Variants in INTS15 observed in about 807,000 individuals in gnomAD.
INTS15 encodes uncharacterized protein C7orf26.
the INTS15 span, chr7:6,594,315 TC>T: frequency 9.9e-7 from 1 of 1,015,160 alleles, no homozygotes; most frequent in Non-Finnish European, 1.5e-6. Context: ...CCCATTAACA[TC>T]TTTTTTTTGT....
chr7:6,590,396 C>G, the INTS15 span: 7 of 1,606,540 alleles, frequency 4.4e-6, no homozygotes, highest in African/African-American at 2.7e-5. Flanking sequence ...GCGCCGCTGC[C>G]CATCGTGGAC....
At chr7:6,605,717 G>A in the INTS15 span, among the ~76,000 whole-genome samples, 1 of 151,990 alleles carries the variant, frequency 6.6e-6, no homozygotes, top group African/African-American at 2.4e-5. Flanking sequence ...TTTCTTTTTT[G>A]AGACAGAGTC....
At chr7:6,601,998 G>A in the INTS15 span, 1 of 1,010,100 alleles carries the variant, frequency 9.9e-7, no homozygotes, top group Non-Finnish European at 1.6e-6. Context: ...TGTAGTATGA[G>A]GCGCTCTTGC....
chr7:6,601,950 C>T, the INTS15 span: 7 of 700,800 alleles, frequency 1.0e-5, no homozygotes, highest in African/African-American at 1.8e-5. Flanking sequence ...AGCCACTGCG[C>T]CCGGCTAGAA....
chr7:6,591,959 G>A, the INTS15 span: 1 of 1,192,738 alleles, frequency 8.4e-7, no homozygotes, highest in Non-Finnish European at 1.2e-6. Flanking sequence ...ATCACTTGAG[G>A]TCAGGGGTTC....
the INTS15 span, chr7:6,590,589 C>A: frequency 7.2e-7 from 1 of 1,392,588 alleles, no homozygotes; most frequent in Non-Finnish European, 9.3e-7. Context: ...GATCCCCGCG[C>A]TCGCGCTCGG....
At chr7:6,598,927 T>C in the INTS15 span, among the ~76,000 whole-genome samples, 1 of 151,894 alleles carries the variant, frequency 6.6e-6, no homozygotes, top group Non-Finnish European at 1.5e-5. Flanking sequence ...GCTGGGAATA[T>C]AGGTGTGCAC....
At chr7:6,594,580 C>T in the INTS15 span, 773 of 1,614,050 alleles carry the variant, frequency 4.8e-4, 5 homozygotes, top group Middle Eastern at 0.017. Context: ...TCCGTTACCG[C>T]GCTCTATGAC....
chr7:6,591,229 G>A, the INTS15 span, among the ~76,000 whole-genome samples: 1 of 151,568 alleles, frequency 6.6e-6, no homozygotes, highest in Non-Finnish European at 1.5e-5. Context: ...TACGAAGGGC[G>A]AAAAGTTCTA....
the INTS15 span, chr7:6,590,212 G>C: frequency 3.8e-6 from 5 of 1,309,584 alleles, no homozygotes; most frequent in East Asian, 9.3e-5. Flanking sequence ...TTGTTTCCAC[G>C]GGTAGCGGCG....
the INTS15 span, chr7:6,590,352 C>T: frequency 5.6e-6 from 9 of 1,606,154 alleles, no homozygotes; most frequent in Admixed American, 1.7e-5. Context: ...TGTTGTACCA[C>T]CTGGACATCT....
chr7:6,601,730 T>TGA, the INTS15 span, among the ~76,000 whole-genome samples: 1 of 150,282 alleles, frequency 6.7e-6, no homozygotes, highest in Admixed American at 6.6e-5. Context: ...GATCTCGGCT[T>TGA]ACTGCAACCT....
the INTS15 span, chr7:6,602,160 C>T: frequency 1.2e-6 from 2 of 1,606,776 alleles, no homozygotes; most frequent in East Asian, 4.5e-5. Flanking sequence ...CTCAGGACTC[C>T]TAGCTGGGCC....
At chr7:6,599,946 G>C in the INTS15 span, 2 of 1,614,086 alleles carry the variant, frequency 1.2e-6, no homozygotes, top group African/African-American at 2.7e-5. Context: ...CTGCCAATAG[G>C]ATTCTTAGAG....
At chr7:6,595,159 G>A in the INTS15 span, among the ~76,000 whole-genome samples, 1 of 152,290 alleles carries the variant, frequency 6.6e-6, no homozygotes, top group Non-Finnish European at 1.5e-5. Context: ...AGCCTCTCGA[G>A]TAGTTGTGAC....
At chr7:6,606,608 C>T in the INTS15 span, among the ~76,000 whole-genome samples, 2 of 151,956 alleles carry the variant, frequency 1.3e-5, no homozygotes, top group Admixed American at 6.6e-5. Flanking sequence ...CCTCTGTCTG[C>T]AGCAGAAGCT....
the INTS15 span, chr7:6,607,769 C>A: frequency 6.7e-7 from 1 of 1,483,428 alleles, no homozygotes; most frequent in East Asian, 2.5e-5. This position sits in a 1 kb window ranked among gnomAD's most constrained non-coding sequence, Gnocchi z 6.0. Context: ...AGCCCACTCC[C>A]ACGCATCCTC....
the INTS15 span, chr7:6,591,582 T>C: frequency 2.4e-5 from 35 of 1,437,236 alleles, no homozygotes; most frequent in Non-Finnish European, 3.1e-5. Flanking sequence ...GTTTTCTTAA[T>C]GTATGAGTTA....
the INTS15 span, chr7:6,602,020 C>G: frequency 7.9e-7 from 1 of 1,268,292 alleles, no homozygotes; most frequent in Non-Finnish European, 1.1e-6. Flanking sequence ...GTCTTGCTAG[C>G]ATCCTTGCAA....
Sources: allele counts gnomAD v4.1 joint callset (sites outside exome capture counted in the v4.1 genomes callset), GRCh38; gene constraint gnomAD v4.1.1; non-coding constraint Gnocchi (gnomAD v3.1); transcripts MANE v1.5; gene names NCBI Gene and HGNC (gene_info 2026-07-23, HGNC 2026-07-21).